RAB27B: variants seen among roughly 807,000 people sequenced by gnomAD.
RAB27B encodes the protein RAB27B, member RAS oncogene family, also known as ras-related protein Rab-27B.
A neutral mutation model predicts 24.6 loss-of-function variants in RAB27B; 15 were observed. The observed-to-expected ratio is 0.61, with a 90% CI of 0.41 to 0.94. The LOEUF (loss-of-function observed/expected upper bound fraction) is 0.94, where lower values mean the gene tolerates loss of function less well. RAB27B is among the 40% of genes least tolerant of loss of function. The pLI is 0.00. For missense variants in RAB27B, 261 were observed against 266.8 expected, an observed-to-expected ratio of 0.98 and a Z score of 0.15; for synonymous variants, 105 against 92.5, an observed-to-expected ratio of 1.14 and a Z score of -0.78.
At chr18:54,764,707 G>GCTTTGTTCCAGTTAAGCTCAAATT (rs1359351940) in intron 2 of RAB27B, among the ~76,000 whole-genome samples, 1 of 152,076 alleles carries the variant, frequency 6.6e-6, no homozygotes, top group East Asian at 1.9e-4. Flanking sequence ...GTCTAAACTT[G>GCTTTGTTCCAGTTAAGCTCAAATT]GATGTTGTTT....
At chr18:54,851,528 TA>T (rs1221264401) in intron 1 of RAB27B, among the ~76,000 whole-genome samples, 13 of 152,336 alleles carry the variant, frequency 8.5e-5, no homozygotes, top group African/African-American at 2.4e-4. Flanking sequence ...GGACATCAGT[TA>T]AATGAGCAGT....
At chr18:54,788,706 G>T (rs1909164000) in intron 2 of RAB27B, among the ~76,000 whole-genome samples, 1 of 152,178 alleles carries the variant, frequency 6.6e-6, no homozygotes, top group South Asian at 2.1e-4. Flanking sequence ...ATTAGAAAAA[G>T]AAAATAAAGA....
rs547298606 is a variant in RAB27B at position 54,804,143 on chromosome 18, T to C, written c.-19-73424T>C. 2.6e-5 allele frequency among the ~76,000 whole-genome samples: 4 copies of C among 152,284 alleles called. No individual in the cohort carries two copies. The East Asian group carries it at 5.8e-4, about 22-fold the overall frequency. On this transcript the variant is annotated intron_variant, in intron 2 of 4. Coordinates refer to the RAB27B transcript ENST00000586570. ...CAGAATCTACAATTTAAATTCTCCA[T>C]GAGATGCCTATGCACATTAAAGTTT...
intron 2 of RAB27B, among the ~76,000 whole-genome samples, chr18:54,803,279 G>A (rs112747548): frequency 0.037 from 5,561 of 152,238 alleles, 121 homozygotes; most frequent in Middle Eastern, 0.12. Context: ...GCAGAATTGG[G>A]AGTTGGAAGT....
At chr18:54,772,305 G>A (rs1908575595) in intron 2 of RAB27B, among the ~76,000 whole-genome samples, 2 of 152,156 alleles carry the variant, frequency 1.3e-5, no homozygotes, top group African/African-American at 4.8e-5. Context: ...TTTCCTCTCT[G>A]TGCTTACATG....
rs868036186 is a variant in RAB27B, at chr18:54,887,145, G to T, written c.344-850G>T. Among the ~76,000 whole-genome samples the T allele has an allele frequency of 1.4e-4, 21 of 148,888 alleles. No individual in the cohort carries two copies. The South Asian group carries it at 4.1e-3, about 29-fold the overall frequency. On this transcript the variant is annotated intron_variant, in intron 4 of 5. Coordinates refer to ENST00000262094, the MANE Select transcript of RAB27B (RefSeq NM_004163.4). ...GAGAAAAGAGAAAAACAAATTACTG[G>T]TCTTAAAATTGTTTCTACATGAATT...
At chr18:54,809,297 T>C (rs1480535029) in intron 2 of RAB27B, among the ~76,000 whole-genome samples, 1 of 152,194 alleles carries the variant, frequency 6.6e-6, no homozygotes, top group Non-Finnish European at 1.5e-5. Flanking sequence ...TCTGTTCAGT[T>C]TGTCGATCTG....
In RAB27B at chr18:54,840,359, A is replaced by G. The variant is rs987242036; in HGVS notation, c.-20+11659A>G. Among the ~76,000 whole-genome samples the G allele has an allele frequency of 2.0e-5, 3 of 152,346 alleles. No homozygotes were observed. The South Asian group carries it at 6.2e-4, about 32-fold the overall frequency. On this transcript the variant is annotated intron_variant, in intron 1 of 5. Transcript: ENST00000262094. ...CTGATAAATTAATTTCTGCTAAAGT[A>G]GTTATGACTAAAAACAGCTATAAAT...
intron 2 of RAB27B, among the ~76,000 whole-genome samples, chr18:54,812,905 T>C (rs1411129667): frequency 4.6e-5 from 7 of 152,132 alleles, no homozygotes; most frequent in Admixed American, 4.6e-4. Context: ...CCCCATCTTC[T>C]TGATGCAAAT....
intron 2 of RAB27B, among the ~76,000 whole-genome samples, chr18:54,796,776 T>A (rs778823140): frequency 4.6e-5 from 7 of 151,850 alleles, no homozygotes; most frequent in African/African-American, 1.7e-4. Context: ...AGAACAGGAG[T>A]GCTTGTTCTC....
chr18:54,881,230 A>G (rs948394944), intron 3 of RAB27B, among the ~76,000 whole-genome samples: 1 of 152,140 alleles, frequency 6.6e-6, no homozygotes, highest in Non-Finnish European at 1.5e-5. Flanking sequence ...TTGCAAATCG[A>G]CTTGCAGGGA....
chr18:54,878,789 C>T (rs560252246), intron 2 of RAB27B, among the ~76,000 whole-genome samples: 1 of 152,214 alleles, frequency 6.6e-6, no homozygotes, highest in East Asian at 1.9e-4. Context: ...TAAAAAGAGC[C>T]TTTGACTAAA....
chr18:54,800,706 C>G (rs575393461), intron 2 of RAB27B, among the ~76,000 whole-genome samples: 1 of 152,222 alleles, frequency 6.6e-6, no homozygotes, highest in East Asian at 1.9e-4. Flanking sequence ...CCTTCCCAGC[C>G]CCAACTCTAA....
intron 2 of RAB27B, among the ~76,000 whole-genome samples, chr18:54,741,880 T>C (rs189957664): frequency 1.5e-4 from 23 of 152,276 alleles, no homozygotes; most frequent in Admixed American, 1.4e-3. Context: ...TGGCAGTAGG[T>C]AAGAAGTCAA....
At chr18:54,768,130 G>A (rs981587940) in intron 2 of RAB27B, among the ~76,000 whole-genome samples, 18 of 151,996 alleles carry the variant, frequency 1.2e-4, no homozygotes, top group African/African-American at 4.4e-4. Flanking sequence ...GTAAAACTTG[G>A]GCTCGAATTT....
chr18:54,840,764 A>C (rs1229659763), intron 1 of RAB27B, among the ~76,000 whole-genome samples: 2 of 152,130 alleles, frequency 1.3e-5, no homozygotes, highest in Non-Finnish European at 2.9e-5. Flanking sequence ...ATAGAATTTG[A>C]GGCTCATTCA....
intron 1 of RAB27B, among the ~76,000 whole-genome samples, chr18:54,865,274 T>TGTGTGTG (rs1912170804): frequency 6.7e-6 from 1 of 150,218 alleles, no homozygotes; most frequent in African/African-American, 2.4e-5. Flanking sequence ...TGTGTGTGTG[T>TGTGTGTG]CCTTTTTCTC....
intron 1 of RAB27B, among the ~76,000 whole-genome samples, chr18:54,872,346 C>T (rs1196480148): frequency 6.6e-6 from 1 of 152,136 alleles, no homozygotes; most frequent in South Asian, 2.1e-4. Context: ...AGCTCAGGGG[C>T]CAGGCACAGT....
At chr18:54,781,758 T>G (rs1908925317) in intron 2 of RAB27B, among the ~76,000 whole-genome samples, 1 of 152,184 alleles carries the variant, frequency 6.6e-6, no homozygotes, top group Non-Finnish European at 1.5e-5. Context: ...GGTTAAGCAG[T>G]AGCTATATAA....
Sources: gnomAD v4.1 joint callset for allele counts (sites outside exome capture counted in the v4.1 genomes callset) on GRCh38, gnomAD v4.1.1 for gene constraint, MANE v1.5 for transcripts, NCBI Gene and HGNC (gene_info 2026-07-23, HGNC 2026-07-21) for gene names.